The following ACBD6 variants were observed in gnomAD, a reference collection of about 807,000 sequenced individuals.
ACBD6 encodes acyl-CoA binding domain containing 6.
In ACBD6, 28 loss-of-function variants were observed where a neutral mutation model predicts 37.2. The ratio of observed to expected loss-of-function variants is 0.75; its 90% CI spans 0.56 to 1.03. The LOEUF (loss-of-function observed/expected upper bound fraction) is 1.03, where lower values mean the gene tolerates loss of function less well. Ranked by LOEUF, ACBD6 falls within the 50% of genes least tolerant of loss-of-function variation. The pLI is 0.00. For synonymous variants in ACBD6, 113 were observed against 126.8 expected, an observed-to-expected ratio of 0.89 and a Z score of 0.73; for missense variants, 340 against 337.4, an observed-to-expected ratio of 1.01 and a Z score of -0.06.
intron 6 of ACBD6, among the ~76,000 whole-genome samples, chr1:180,360,527 T>A (rs978332809): frequency 5.3e-5 from 8 of 152,130 alleles, no homozygotes; most frequent in Non-Finnish European, 8.8e-5. Context: ...ACCTAATGAA[T>A]CACAAACTCT....
intron 4 of ACBD6, among the ~76,000 whole-genome samples, chr1:180,421,736 T>C (rs1648372559): frequency 6.6e-6 from 1 of 152,150 alleles, no homozygotes; most frequent in African/African-American, 2.4e-5. Flanking sequence ...CATCTCATTA[T>C]GGTTTTGATT....
chr1:180,459,646 A>G (rs926096617), intron 3 of ACBD6, among the ~76,000 whole-genome samples: 4 of 152,228 alleles, frequency 2.6e-5, no homozygotes, highest in African/African-American at 4.8e-5. Flanking sequence ...AGTCTCTGGC[A>G]ATCTATGTGA....
At chr1:180,282,397 T>TA (rs975730484) in intron 8 of ACBD6, among the ~76,000 whole-genome samples, 7 of 150,808 alleles carry the variant, frequency 4.6e-5, no homozygotes, top group Non-Finnish European at 7.4e-5. Flanking sequence ...AATAAGCAGT[T>TA]AAAAAAAAAG....
chr1:180,414,286 C>T (rs1647988120), intron 4 of ACBD6, among the ~76,000 whole-genome samples: 1 of 152,168 alleles, frequency 6.6e-6, no homozygotes, highest in Non-Finnish European at 1.5e-5. Context: ...CATATGTGGA[C>T]TGAATTTTAT....
At chr1:180,336,728 G>A (rs544274075) in intron 6 of ACBD6, among the ~76,000 whole-genome samples, 2 of 151,898 alleles carry the variant, frequency 1.3e-5, no homozygotes, top group South Asian at 2.1e-4. Context: ...CCAGGAGCTG[G>A]TTTTTTGAAA....
At chr1:180,305,712 G>A (rs1185464681) in intron 7 of ACBD6, among the ~76,000 whole-genome samples, 4 of 152,176 alleles carry the variant, frequency 2.6e-5, no homozygotes, top group Admixed American at 6.5e-5. Flanking sequence ...CAGGGATCTA[G>A]AACTAGAAAT....
chr1:180,274,122 G>A, intron 10 of ACBD6: 1 of 1,599,822 alleles, frequency 6.3e-7, no homozygotes, highest in South Asian at 1.1e-5. Flanking sequence ...CCTAGGTTGT[G>A]AAGAGCAGGG....
intron 6 of ACBD6, among the ~76,000 whole-genome samples, chr1:180,376,054 T>C (rs73048336): frequency 0.012 from 1,826 of 152,178 alleles, 46 homozygotes; most frequent in African/African-American, 0.042. Context: ...AAAACCAGGA[T>C]ATAAAAATAG....
At chr1:180,438,265 C>G (rs1649133784) in intron 3 of ACBD6, 1 of 152,834 alleles carries the variant, frequency 6.5e-6, no homozygotes, top group Non-Finnish European at 1.5e-5. Context: ...TTCCACTAAA[C>G]CAGTCCCTGG....
chr1:180,279,775 T>C (rs1649252758), intron 9 of ACBD6, among the ~76,000 whole-genome samples: 1 of 152,110 alleles, frequency 6.6e-6, no homozygotes, highest in Admixed American at 6.5e-5. Flanking sequence ...CAGGAGTCTT[T>C]ATTAGTGTGC....
At chr1:180,276,696 C>T (rs1649049698) in intron 9 of ACBD6, 1 of 152,288 alleles carries the variant, frequency 6.6e-6, no homozygotes, top group Admixed American at 6.5e-5. Context: ...AAAGGCTCTG[C>T]TGGGCAATGA....
chr1:180,283,534 G>T (rs1476775853), downstream of ACBD6, among the ~76,000 whole-genome samples: 1 of 152,124 alleles, frequency 6.6e-6, no homozygotes, highest in Non-Finnish European at 1.5e-5. Flanking sequence ...GTCATGCATA[G>T]AAACCAGTCT....
chr1:180,439,466 C>T (rs1364005271), intron 3 of ACBD6, among the ~76,000 whole-genome samples: 1 of 152,120 alleles, frequency 6.6e-6, no homozygotes, highest in Non-Finnish European at 1.5e-5. Flanking sequence ...TGGTGGGCGC[C>T]TGTAGTCCCA....
intron 5 of ACBD6, among the ~76,000 whole-genome samples, chr1:180,400,275 C>T (rs1033869569): frequency 2.0e-5 from 3 of 152,120 alleles, no homozygotes; most frequent in African/African-American, 7.2e-5. Context: ...TTTCCAGAAG[C>T]GGGGCACATG....
intron 3 of ACBD6, among the ~76,000 whole-genome samples, chr1:180,489,909 T>C (rs1439354198): frequency 6.6e-6 from 1 of 152,200 alleles, no homozygotes; most frequent in Non-Finnish European, 1.5e-5. Context: ...TCCACCCGCC[T>C]CAGCCTCCCA....
chr1:180,317,011 C>G lies in ACBD6; in HGVS notation c.664-2289G>C, dbSNP rs1650840102. Among the ~76,000 whole-genome samples the G allele has an allele frequency of 4.6e-5, 7 of 152,230 alleles. No homozygotes were observed. The South Asian group carries it at 1.0e-3, about 23-fold the overall frequency. ...AAGATACTAAGGTGGTCATGCAACC[C>G]AAAATGGGCAAATCACAGCACTGGT... is the stretch of plus-strand genomic sequence containing the variant. On this transcript the variant is annotated intron_variant, in intron 6 of 7. Coordinates refer to ENST00000367595, the MANE Select transcript of ACBD6 (RefSeq NM_032360.4).
rs1473649636 is a variant in ACBD6 at position 180,314,556 on chromosome 1, T to A, written c.694+136A>T. 3.2e-5 allele frequency: 23 copies of A among 724,816 alleles called. No individual in the cohort carries two copies. In the South Asian group the frequency reaches 3.6e-4, roughly 11 times the overall value. The allele number at this position is 724,816 out of a possible 1,614,324, so 44.9% of individuals were successfully genotyped here. A position where few individuals can be genotyped will look rare whatever the true frequency, so the allele number is the denominator to read the frequency against. On this transcript the variant is annotated intron_variant, in intron 7 of 7. Coordinates refer to ENST00000367595, the MANE Select transcript of ACBD6 (RefSeq NM_032360.4). ...CCTCACGCCCGGCCTAATACATTTT[T>A]TTGAACAAAAAGTTATTGTATCTCT...
At chr1:180,335,466 G>T (rs1349824786) in intron 6 of ACBD6, among the ~76,000 whole-genome samples, 1 of 152,122 alleles carries the variant, frequency 6.6e-6, no homozygotes, top group African/African-American at 2.4e-5. Flanking sequence ...AATGCTGAGA[G>T]ATTTTGTCAC....
chr1:180,343,115 G>T (rs1183718331), intron 6 of ACBD6, among the ~76,000 whole-genome samples: 4 of 149,504 alleles, frequency 2.7e-5, no homozygotes, highest in African/African-American at 9.8e-5. Flanking sequence ...GAAACATTAG[G>T]GTAAAATAAA....
Sources: allele counts gnomAD v4.1 joint callset (sites outside exome capture counted in the v4.1 genomes callset), GRCh38; gene constraint gnomAD v4.1.1; transcripts MANE v1.5; gene names NCBI Gene and HGNC (gene_info 2026-07-23, HGNC 2026-07-21).